The following SH2B3 variants were observed in gnomAD, a reference collection of about 807,000 sequenced individuals.
The protein encoded by SH2B3 is SH2B adapter protein 3.
In SH2B3, 43 loss-of-function variants were observed where a neutral mutation model predicts 51.9. The ratio of observed to expected loss-of-function variants is 0.83; its 90% CI spans 0.65 to 1.07. SH2B3 has a LOEUF of 1.07. SH2B3 is among the 50% of genes least tolerant of loss of function. The probability of loss-of-function intolerance (pLI) is 0.00; values close to 1 mark genes in which losing one functional copy is unlikely to be tolerated. For synonymous variants in SH2B3, 396 were observed against 376.0 expected, an observed-to-expected ratio of 1.05 and a Z score of -0.62; for missense variants, 952 against 834.3, an observed-to-expected ratio of 1.14 and a Z score of -1.74.
At position 111,420,796 on chromosome 12, in the gene SH2B3, T is replaced by C. The variant is rs187406623; in HGVS notation, c.732+1919T>C. ...ATGGTAAATTGTGTTCTAAAACTGG[T>C]AAACTGTGTTCTAAAGGAAAAGCAA... On this transcript the variant is annotated intron_variant, in intron 2 of 7. Coordinates refer to ENST00000341259, the MANE Select transcript of SH2B3 (RefSeq NM_005475.3). 5.3e-5 allele frequency among the ~76,000 whole-genome samples: 8 copies of C among 152,296 alleles called. No individual in the cohort carries two copies. In the East Asian group the frequency reaches 1.5e-3, roughly 29 times the overall value.
chr12:111,418,600 G>A lies in SH2B3; in HGVS notation c.455G>A (p.Gly152Glu). 1 of 1,492,856 alleles carries A rather than the reference G, an allele frequency of 6.7e-7. No individual in the cohort carries two copies. The highest frequency in any genetic ancestry group is 8.9e-7 in the Non-Finnish European group (1 of 1,129,300). 92.5% of individuals were successfully genotyped at this position (1,492,856 alleles called of 1,614,324 possible). A position where few individuals can be genotyped will look rare whatever the true frequency, so the allele number is the denominator to read the frequency against. ...CACATCTTCCGCCGCCGCTCGGCCG[G>A]GGAGCTGCCAGCGGCCCACACCGCT... Reference protein sequence around the residue: ...LRHIFRRRSAGELPAAHTAAA... With the variant: ...LRHIFRRRSAEELPAAHTAAA... The change falls in exon 2 of 8, where the codon GGG becomes GAG. Residue 152 changes from glycine to glutamate, a missense_variant. Physicochemically the swap from Gly to Glu is moderately conservative, Grantham distance 98 (BLOSUM62 -2). Transcript: ENST00000341259. The surrounding 1 kb of genome is among the most constrained non-coding windows in gnomAD (Gnocchi z 6.7).
rs1870478290 is a variant in SH2B3 at position 111,409,112 on chromosome 12, G to A, written c.-28+2835G>A. Reference sequence around the variant, plus strand: ...TCTCTGATCTGGACCTCGCCTGCCCGATGGAAGCCAAGAGTTCCAGCCTCC... The same window carrying A: ...TCTCTGATCTGGACCTCGCCTGCCCAATGGAAGCCAAGAGTTCCAGCCTCC... On this transcript the variant is annotated intron_variant, in intron 1 of 7. Transcript: ENST00000341259. This position sits in a 1 kb window ranked among gnomAD's most constrained non-coding sequence, Gnocchi z 4.0. Among the ~76,000 whole-genome samples the A allele has an allele frequency of 6.6e-6, 1 of 152,134 alleles. No homozygotes were observed. The highest frequency in any genetic ancestry group is 2.4e-5 in the African/African-American group (1 of 41,408).
chr12:111,444,810 A>G (rs2135604789), intron 2 of SH2B3: 1 of 985,616 alleles, frequency 1.0e-6, no homozygotes, highest in South Asian at 4.7e-5. Context: ...ATGTGCCCAC[A>G]CGCTGCAACC....
chr12:111,425,022 G>A (rs1030486548), intron 2 of SH2B3, among the ~76,000 whole-genome samples: 6 of 152,086 alleles, frequency 3.9e-5, no homozygotes, highest in Admixed American at 3.3e-4. Flanking sequence ...GGCTTTGGAG[G>A]GAGAGAGCCA....
rs1593078576 is a variant in SH2B3, at chr12:111,447,636, A to C, written c.1237-20A>C. On this transcript the variant is annotated intron_variant, in intron 6 of 7. Coordinates refer to ENST00000341259, the MANE Select transcript of SH2B3 (RefSeq NM_005475.3). ...GGTCCTAGAGGGACAGCCCGAGCCCACCATCCTCTCCTCCCACAGCACCTG... is the reference window on the plus strand; with the variant it reads ...GGTCCTAGAGGGACAGCCCGAGCCCCCCATCCTCTCCTCCCACAGCACCTG... The C allele has an allele frequency of 6.2e-7, 1 of 1,609,244 alleles. No homozygotes were observed. Among genetic ancestry groups the C allele is most frequent in the Non-Finnish European group, 8.5e-7 (1 of 1,176,796 alleles).
chr12:111,418,471 G>GCCCCGC lies in SH2B3; in HGVS notation c.328_333dup (p.Pro110_Ala111dup). 9 of 1,357,414 alleles carry GCCCCGC rather than the reference G, an allele frequency of 6.6e-6. No individual in the cohort carries two copies. Among genetic ancestry groups the GCCCCGC allele is most frequent in the Non-Finnish European group, 9.4e-7 (1 of 1,061,302 alleles). The allele number at this position is 1,357,414 out of a possible 1,614,324, so 84.1% of individuals were successfully genotyped here. ...GAGGCGTCCCCGGAGCCAGGCCCCG[G>GCCCCGC]CCCCGCCGCCCCTGGCCTGCCCAAG... On this transcript the variant is annotated inframe_insertion, in exon 2 of 8. Transcript: ENST00000341259. This position sits in a 1 kb window ranked among gnomAD's most constrained non-coding sequence, Gnocchi z 6.7.
intron 2 of SH2B3, among the ~76,000 whole-genome samples, chr12:111,433,145 A>G (rs760619722): frequency 7.2e-5 from 11 of 152,212 alleles, no homozygotes; most frequent in Non-Finnish European, 1.6e-4. Context: ...TGATGTCAGG[A>G]GTTTGAGACC....
At chr12:111,428,052 T>C (rs1872151669) in intron 2 of SH2B3, among the ~76,000 whole-genome samples, 1 of 152,252 alleles carries the variant, frequency 6.6e-6, no homozygotes, top group Non-Finnish European at 1.5e-5. Flanking sequence ...GTATTATTGA[T>C]GGCACTGTTA....
chr12:111,438,896 G>A lies in SH2B3; in HGVS notation c.733-7857G>A, dbSNP rs1424201529. Among the ~76,000 whole-genome samples, 3 of 152,212 alleles carry A rather than the reference G, an allele frequency of 2.0e-5. No individual in the cohort carries two copies. Among genetic ancestry groups the A allele is most frequent in the Admixed American group, 6.5e-5 (1 of 15,282 alleles). ...GAGGCCAGTGTGGCTGGATCAGAGC[G>A]AGGGAGGGAGGCCCAAGAGGCTGAG... On this transcript the variant is annotated intron_variant, in intron 2 of 7. Coordinates refer to ENST00000341259, the MANE Select transcript of SH2B3 (RefSeq NM_005475.3). The surrounding 1 kb of genome is among the most constrained non-coding windows in gnomAD (Gnocchi z 4.2).
chr12:111,412,906 G>A (rs1372087318), intron 1 of SH2B3, among the ~76,000 whole-genome samples: 1 of 152,172 alleles, frequency 6.6e-6, no homozygotes, highest in Non-Finnish European at 1.5e-5. Context: ...CCCTGTGACA[G>A]TTTTCCTGAT....
At chr12:111,413,762 A>G (rs1439802042) in intron 1 of SH2B3, among the ~76,000 whole-genome samples, 4 of 152,246 alleles carry the variant, frequency 2.6e-5, no homozygotes, top group Non-Finnish European at 2.9e-5. Flanking sequence ...CTCCTGCTGT[A>G]TGCTAGGAGC....
In SH2B3 at chr12:111,418,025, G is replaced by A; in HGVS notation, c.-27-94G>A. 1 of 938,932 alleles carries A rather than the reference G, an allele frequency of 1.1e-6. No individual in the cohort carries two copies. The highest frequency in any genetic ancestry group is 1.7e-5 in the African/African-American group (1 of 57,444). The allele number at this position is 938,932 out of a possible 1,614,324, so 58.2% of individuals were successfully genotyped here. A position where few individuals can be genotyped will look rare whatever the true frequency, so the allele number is the denominator to read the frequency against. On this transcript the variant is annotated intron_variant, in intron 1 of 7. Transcript: ENST00000341259. The surrounding 1 kb of genome is among the most constrained non-coding windows in gnomAD (Gnocchi z 6.7). ...CAGCACTGGGTGTTATGGTCGCGTT[G>A]GATTTCTGCTGTGGTGCCCGGTGTG...
At chr12:111,432,599 C>G (rs543573966) in intron 2 of SH2B3, among the ~76,000 whole-genome samples, 1 of 152,262 alleles carries the variant, frequency 6.6e-6, no homozygotes, top group African/African-American at 2.4e-5. Flanking sequence ...GCAACCCTCA[C>G]CATAATCTAA....
intron 2 of SH2B3, among the ~76,000 whole-genome samples, chr12:111,440,536 G>C (rs1873308506): frequency 6.6e-6 from 1 of 152,258 alleles, no homozygotes; most frequent in African/African-American, 2.4e-5. Context: ...GCACACAGCA[G>C]ATGCTCACTA....
Position 111,418,560 on chromosome 12 carries a change from C to T in SH2B3, c.415C>T (p.Arg139Cys). 2 of 1,471,478 alleles carry T rather than the reference C, an allele frequency of 1.4e-6. No homozygotes were observed. The highest frequency in any genetic ancestry group is 9.0e-7 in the Non-Finnish European group (1 of 1,116,896). The allele number at this position is 1,471,478 out of a possible 1,614,324, so 91.2% of individuals were successfully genotyped here. A position where few individuals can be genotyped will look rare whatever the true frequency, so the allele number is the denominator to read the frequency against. ...PPGPCSFQHF[R>C]RSLRHIFRRR... ...CGGGCCCTGCTCCTTCCAGCACTTT[C>T]GCCGCAGCCTCCGCCACATCTTCCG... is the stretch of plus-strand genomic sequence containing the variant. The change falls in exon 2 of 8, where the codon CGC (arginine) becomes TGC (cysteine). Residue 139 changes from arginine (R) to cysteine (C), a missense_variant. Transcript: ENST00000341259. This position sits in a 1 kb window ranked among gnomAD's most constrained non-coding sequence, Gnocchi z 6.7.
rs1593022432 is a variant in SH2B3, at chr12:111,406,897, T to C, written c.-28+620T>C. Among the ~76,000 whole-genome samples, 6 of 152,318 alleles carry C rather than the reference T, an allele frequency of 3.9e-5. No homozygotes were observed. In the South Asian group the frequency reaches 1.2e-3, roughly 32 times the overall value. ...CGTCCCAGAGACAGGTTTCTGGTAT[T>C]GATCCTCTCACACCTCTTGCCTGGG... On this transcript the variant is annotated intron_variant, in intron 1 of 7. Coordinates refer to ENST00000341259, the MANE Select transcript of SH2B3 (RefSeq NM_005475.3). This position sits in a 1 kb window ranked among gnomAD's most constrained non-coding sequence, Gnocchi z 5.7.
chr12:111,447,330 G>T lies in SH2B3; in HGVS notation c.1022G>T (p.Gly341Val), dbSNP rs576672114. Residue 341 changes from glycine (G) to valine (V), a missense_variant and splice_region_variant, in exon 6 of 8, where the codon GGT (glycine) becomes GTT (valine). Gly to Val is a moderately radical substitution (Grantham distance 109). Coordinates refer to ENST00000341259, the MANE Select transcript of SH2B3 (RefSeq NM_005475.3). ...PRGSTDSLNQGASPGGLLDPA... is the reference protein window; with the variant it reads ...PRGSTDSLNQVASPGGLLDPA... ...CACCATCACCCATCTTATCTAACAGGTGCTTCTCCTGGGGGGCTGCTGGAC... is the reference window on the plus strand; with the variant it reads ...CACCATCACCCATCTTATCTAACAGTTGCTTCTCCTGGGGGGCTGCTGGAC... 1 of 1,613,182 alleles carries T rather than the reference G, an allele frequency of 6.2e-7. No individual in the cohort carries two copies. The highest frequency in any genetic ancestry group is 8.5e-7 in the Non-Finnish European group (1 of 1,179,298).
Position 111,418,317 on chromosome 12 carries a change from C to T in SH2B3, c.172C>T (p.Leu58=), listed in dbSNP as rs1013284739. ...FAREHPQHAP[L]RAELVSLQFT... ...CCGGGAGCATCCGCAGCACGCGCCG[C>T]TGCGCGCCGAGCTGGTGTCGCTGCA... Residue 58 remains leucine, a synonymous_variant, in exon 2 of 8, where the codon CTG becomes TTG. Transcript: ENST00000341259. This position sits in a 1 kb window ranked among gnomAD's most constrained non-coding sequence, Gnocchi z 6.7. 1 of 1,527,630 alleles carries T rather than the reference C, an allele frequency of 6.5e-7. No homozygotes were observed. Among genetic ancestry groups the T allele is most frequent in the Non-Finnish European group, 8.7e-7 (1 of 1,143,222 alleles). The allele number at this position is 1,527,630 out of a possible 1,614,324, so 94.6% of individuals were successfully genotyped here.
Position 111,418,183 on chromosome 12 carries a change from C to T in SH2B3, c.38C>T (p.Ser13Phe), listed in dbSNP as rs774260657. 2 of 1,563,558 alleles carry T rather than the reference C, an allele frequency of 1.3e-6. No individual in the cohort carries two copies. The highest frequency in any genetic ancestry group is 8.6e-7 in the Non-Finnish European group (1 of 1,167,000). Reference protein sequence around the residue: ...GPALQPSSPSSAPSASPAAAP... With the variant: ...GPALQPSSPSFAPSASPAAAP... Reference sequence around the variant, plus strand: ...GCCCTGCAGCCCTCCTCGCCCTCTTCCGCGCCCTCAGCCTCCCCGGCGGCG... The same window carrying T: ...GCCCTGCAGCCCTCCTCGCCCTCTTTCGCGCCCTCAGCCTCCCCGGCGGCG... Residue 13 changes from serine to phenylalanine, a missense_variant, in exon 2 of 8, where the codon TCC becomes TTC. Transcript: ENST00000341259. The surrounding 1 kb of genome is among the most constrained non-coding windows in gnomAD (Gnocchi z 6.7).
Sources: gnomAD v4.1 joint callset for allele counts (sites outside exome capture counted in the v4.1 genomes callset) on GRCh38, gnomAD v4.1.1 for gene constraint, Gnocchi (gnomAD v3.1) non-coding constraint, MANE v1.5 for transcripts, NCBI Gene and HGNC (gene_info 2026-07-23, HGNC 2026-07-21) for gene names.